Variants in RGL1 observed in about 807,000 individuals in gnomAD.
RGL1 encodes the protein ral guanine nucleotide dissociation stimulator-like 1.
In RGL1, 24 loss-of-function variants were observed where a neutral mutation model predicts 95.2. The ratio of observed to expected loss-of-function variants is 0.25; its 90% confidence interval spans 0.18 to 0.35. The LOEUF (loss-of-function observed/expected upper bound fraction) is 0.35, where lower values mean the gene tolerates loss of function less well. Among genes scored for constraint, RGL1 ranks in the 10% least tolerant of loss-of-function variants. RGL1 has a pLI of 1.00. For synonymous variants in RGL1, 329 were observed against 344.9 expected (o/e 0.95, Z 0.51); for missense variants, 715 against 936.3 (o/e 0.76, Z 3.08).
intron 4 of RGL1, among the ~76,000 whole-genome samples, chr1:183,869,879 T>A (rs1387819509): frequency 1.3e-5 from 2 of 152,148 alleles, no homozygotes; most frequent in African/African-American, 4.8e-5. Context: ...GATCAATAGA[T>A]GTGTAGGAGG....
At chr1:183,652,869 G>T (rs909493236) in intron 1 of RGL1, among the ~76,000 whole-genome samples, 1 of 152,208 alleles carries the variant, frequency 6.6e-6, no homozygotes, top group Non-Finnish European at 1.5e-5. Context: ...CCTGGACTGG[G>T]ACCGTGGGAG....
intron 3 of RGL1, among the ~76,000 whole-genome samples, chr1:183,854,716 G>A (rs945998613): frequency 6.6e-6 from 1 of 151,972 alleles, no homozygotes; most frequent in African/African-American, 2.4e-5. Context: ...TAAGAACATG[G>A]GCTTAGGAGT....
intron 2 of RGL1, among the ~76,000 whole-genome samples, chr1:183,773,588 C>G (rs1462610055): frequency 6.6e-6 from 1 of 152,134 alleles, no homozygotes; most frequent in East Asian, 1.9e-4. Context: ...ACAATAGGAA[C>G]CATTATAATT....
At chr1:183,816,840 G>A (rs1662123761) in intron 2 of RGL1, among the ~76,000 whole-genome samples, 1 of 152,048 alleles carries the variant, frequency 6.6e-6, no homozygotes, top group Admixed American at 6.6e-5. Context: ...GAGAGGTGAT[G>A]TTCAGCTAGG....
Position 183,883,798 on chromosome 1 carries a change from A to G in RGL1, c.623A>G (p.Asn208Ser). ...QEVETDNGLP[N>S]TISFSLEEEE... ...CATATGTGAACAGATGGGCTTCCCA[A>G]CACGATCTCCTTCAGCCTGGAAGAG... Residue 208 changes from asparagine (N) to serine (S), a missense_variant, in exon 6 of 18, where the codon AAC becomes AGC. Asn to Ser is a conservative substitution (Grantham distance 46, BLOSUM62 1). Coordinates refer to ENST00000360851, the MANE Select transcript of RGL1 (RefSeq NM_001297671.3). 6.2e-7 allele frequency: 1 copy of G among 1,614,094 alleles called. No individual in the cohort carries two copies. Among genetic ancestry groups the G allele is most frequent in the Non-Finnish European group, 8.5e-7 (1 of 1,179,918 alleles).
intron 2 of RGL1, among the ~76,000 whole-genome samples, chr1:183,768,526 T>C (rs1247517626): frequency 7.3e-6 from 1 of 137,532 alleles, no homozygotes; most frequent in Non-Finnish European, 1.5e-5. Flanking sequence ...TGAAGTGCAG[T>C]GGTGTGATCA....
intron 1 of RGL1, among the ~76,000 whole-genome samples, chr1:183,672,115 T>C (rs942887845): frequency 6.6e-6 from 1 of 152,008 alleles, no homozygotes; most frequent in African/African-American, 2.4e-5. Flanking sequence ...GTATTTTTAG[T>C]AGAGATGGGG....
intron 4 of RGL1, 63 bp downstream of exon 4, chr1:183,866,136 G>A (rs1013922040): frequency 5.2e-6 from 7 of 1,342,974 alleles, no homozygotes; most frequent in Non-Finnish European, 7.5e-6. Context: ...AAGTAGTTTA[G>A]TAGAGTATTT....
chr1:183,773,337 C>T (rs1295005618), intron 2 of RGL1, among the ~76,000 whole-genome samples: 1 of 152,190 alleles, frequency 6.6e-6, no homozygotes, highest in African/African-American at 2.4e-5. Flanking sequence ...ACACAAGGAA[C>T]TGCACCTATC....
At chr1:183,784,393 C>T (rs961800898) in intron 2 of RGL1, among the ~76,000 whole-genome samples, 2 of 152,262 alleles carry the variant, frequency 1.3e-5, no homozygotes, top group South Asian at 2.1e-4. Context: ...CCGCTATGCT[C>T]AGGTTCATGG....
chr1:183,883,764 A>G (rs756470467), intron 5 of RGL1, 22 bp from the exon 6 acceptor site: 1 of 1,613,392 alleles, frequency 6.2e-7, no homozygotes, highest in Non-Finnish European at 8.5e-7. Context: ...CCAAATTACT[A>G]ATCTTTTCCA....
chr1:183,771,302 A>G (rs79441676), intron 2 of RGL1, among the ~76,000 whole-genome samples: 5,216 of 129,616 alleles, frequency 0.04, 108 homozygotes, highest in East Asian at 0.082. Flanking sequence ...GTAAACAAAG[A>G]AAAAAAAAAA....
intron 1 of RGL1, among the ~76,000 whole-genome samples, chr1:183,677,631 G>C (rs760125472): frequency 1.2e-4 from 19 of 152,126 alleles, no homozygotes; most frequent in Admixed American, 2.0e-4. Flanking sequence ...TTCCAGAGAG[G>C]GTTTATATAA....
At chr1:183,682,945 T>C (rs565374215) in intron 1 of RGL1, among the ~76,000 whole-genome samples, 1 of 152,326 alleles carries the variant, frequency 6.6e-6, no homozygotes, top group East Asian at 1.9e-4. Context: ...TCTTTGTTGA[T>C]CTTTGTTGGT....
Position 183,748,394 on chromosome 1 carries a change from C to CTTTTTT in RGL1, c.132+6129_132+6134dup, listed in dbSNP as rs56920504. On this transcript the variant is annotated intron_variant, in intron 2 of 18. Transcript: ENST00000304685. Reference sequence around the variant, plus strand: ...TTTGAATTTGTTTGCTTCTCTAGTTCTTTTTTTTTTTTTTTTTTTTTTTTT... The same window carrying CTTTTTT: ...TTTGAATTTGTTTGCTTCTCTAGTTCTTTTTTTTTTTTTTTTTTTTTTTTTTTTTTT... Among the ~76,000 whole-genome samples, 138 of 69,722 alleles carry CTTTTTT rather than the reference C, an allele frequency of 2.0e-3. 15 individuals are homozygous for CTTTTTT. Among genetic ancestry groups the CTTTTTT allele is most frequent in the African/African-American group, 3.6e-3 (55 of 15,090 alleles). 45.7% of individuals were successfully genotyped at this position (69,722 alleles called of 152,430 possible).
chr1:183,673,828 G>A (rs2102059867), intron 1 of RGL1, among the ~76,000 whole-genome samples: 1 of 152,306 alleles, frequency 6.6e-6, no homozygotes, highest in South Asian at 2.1e-4. Context: ...TGAACTTGCT[G>A]TGTCTTTAGA....
chr1:183,683,746 A>G (rs957363528), intron 1 of RGL1, among the ~76,000 whole-genome samples: 2 of 152,214 alleles, frequency 1.3e-5, no homozygotes, highest in Non-Finnish European at 2.9e-5. Context: ...CCTGGCTAAT[A>G]TCCTGAAGAG....
intron 9 of RGL1, among the ~76,000 whole-genome samples, chr1:183,896,333 A>G (rs1667698722): frequency 6.6e-6 from 1 of 152,256 alleles, no homozygotes; most frequent in African/African-American, 2.4e-5. Context: ...TTACAGGCGC[A>G]TGCCGCCATG....
chr1:183,752,139 A>G (rs940433086), intron 2 of RGL1, among the ~76,000 whole-genome samples: 1 of 152,148 alleles, frequency 6.6e-6, no homozygotes, highest in Admixed American at 6.5e-5. Context: ...CTGTTTTCCA[A>G]AATGGTGGTA....
Sources: gnomAD v4.1 joint callset for allele counts (sites outside exome capture counted in the v4.1 genomes callset) on GRCh38, gnomAD v4.1.1 for gene constraint, MANE v1.5 for transcripts, NCBI Gene and HGNC (gene_info 2026-07-23, HGNC 2026-07-21) for gene names.